SLC36A1: variants seen among roughly 807,000 people sequenced by gnomAD.
The protein encoded by SLC36A1 is solute carrier family 36 member 1.
SLC36A1 carries 30 observed loss-of-function variants against 47.5 expected under a neutral mutation model. The observed-to-expected ratio is 0.63, with a 90% confidence interval of 0.47 to 0.86. The LOEUF is 0.86. SLC36A1 is among the 40% of genes least tolerant of loss of function. The pLI, the probability that SLC36A1 is intolerant of heterozygous loss-of-function variation, is 0.00. For missense variants in SLC36A1, 517 were observed against 606.0 expected (o/e 0.85, Z 1.54); for synonymous variants, 255 against 249.7 (o/e 1.02, Z -0.20).
At chr5:151,374,379 G>A in the SLC36A1 span, among the ~76,000 whole-genome samples, 147 of 152,282 alleles carry the variant, frequency 9.7e-4, no homozygotes, top group Admixed American at 2.9e-3. Flanking sequence ...GTCTGTTGGT[G>A]CGCTCTTGGG....
chr5:151,352,652 G>A, the SLC36A1 span, among the ~76,000 whole-genome samples: 1 of 152,168 alleles, frequency 6.6e-6, no homozygotes, highest in Non-Finnish European at 1.5e-5. Context: ...CTTTGTTGTT[G>A]TTGTTCTTCT....
the SLC36A1 span, among the ~76,000 whole-genome samples, chr5:151,365,148 C>G: frequency 1.3e-5 from 2 of 152,124 alleles, no homozygotes; most frequent in Non-Finnish European, 2.9e-5. Flanking sequence ...AATCAGGGCA[C>G]TGTTTCCAGA....
chr5:151,426,415 G>C, the SLC36A1 span, among the ~76,000 whole-genome samples: 2 of 152,066 alleles, frequency 1.3e-5, no homozygotes, highest in African/African-American at 4.8e-5. Flanking sequence ...ACAGGAAAAC[G>C]TGAGCAAAGG....
At chr5:151,529,608 G>A in the SLC36A1 span, among the ~76,000 whole-genome samples, 1 of 152,032 alleles carries the variant, frequency 6.6e-6, no homozygotes, top group African/African-American at 2.4e-5. Context: ...CAACAGCTAT[G>A]TTTCCCTCAC....
At chr5:151,474,183 A>AAAAAAAAAAAAAAAAAAAATTATCTTC (rs1561770143) in intron 8 of SLC36A1, among the ~76,000 whole-genome samples, 9 of 145,362 alleles carry the variant, frequency 6.2e-5, no homozygotes, top group African/African-American at 2.2e-4. Context: ...AAAAAAAGAA[A>AAAAAAAAAAAAAAAAAAAATTATCTTC]TTATCTTCTG....
At chr5:151,541,440 CTG>C in the SLC36A1 span, among the ~76,000 whole-genome samples, 4 of 152,200 alleles carry the variant, frequency 2.6e-5, no homozygotes, top group Non-Finnish European at 4.4e-5. Context: ...TTCTACAACT[CTG>C]TATTTCAAAC....
the SLC36A1 span, among the ~76,000 whole-genome samples, chr5:151,523,790 G>A: frequency 6.6e-6 from 1 of 152,120 alleles, no homozygotes; most frequent in Non-Finnish European, 1.5e-5. Context: ...CTGCTTGGAT[G>A]TCTCACAAAC....
At chr5:151,429,711 G>A in the SLC36A1 span, among the ~76,000 whole-genome samples, 1 of 152,086 alleles carries the variant, frequency 6.6e-6, no homozygotes, top group South Asian at 2.1e-4. Context: ...GTGTTTCTCT[G>A]TGTCTTAGCC....
intron 8 of SLC36A1, among the ~76,000 whole-genome samples, chr5:151,475,649 T>C (rs10079386): frequency 0.058 from 8,857 of 152,264 alleles, 803 homozygotes; most frequent in African/African-American, 0.2. Context: ...GTGGATTAAC[T>C]GAAGCTGGAG....
chr5:151,497,877 G>T, the SLC36A1 span, among the ~76,000 whole-genome samples: 79 of 152,110 alleles, frequency 5.2e-4, no homozygotes, highest in African/African-American at 1.9e-3. Flanking sequence ...GCCCACCTCA[G>T]CTGCCAGGAA....
Position 151,475,954 on chromosome 5 carries a change from A to G in SLC36A1, c.823-636A>G, listed in dbSNP as rs192086916. 1.9e-3 allele frequency among the ~76,000 whole-genome samples: 282 copies of G among 152,332 alleles called. 1 individual carries two copies. Among genetic ancestry groups the G allele is most frequent in the African/African-American group, 6.5e-3 (269 of 41,578 alleles). The stretch of plus-strand genomic sequence containing the variant: ...TAGGGGCCTTTCCTTTGCTTTTACC[A>G]AAGTTAAAGAATGTCCTCTCTTATG... On this transcript the variant is annotated intron_variant, in intron 8 of 10. Transcript: ENST00000243389.
At chr5:151,446,129 C>T (rs950499356), upstream of SLC36A1, among the ~76,000 whole-genome samples, 9 of 152,144 alleles carry the variant, frequency 5.9e-5, no homozygotes, top group African/African-American at 2.2e-4. Flanking sequence ...TCTCTTAGAA[C>T]TACTTTTGCT....
the SLC36A1 span, chr5:151,531,466 G>A: frequency 1.9e-5 from 25 of 1,318,318 alleles, no homozygotes; most frequent in Non-Finnish European, 2.5e-5. This position sits in a 1 kb window ranked among gnomAD's most constrained non-coding sequence, Gnocchi z 5.7. Flanking sequence ...ATGGAGAAAC[G>A]ACCAGAGGAG....
the SLC36A1 span, among the ~76,000 whole-genome samples, chr5:151,519,254 G>C: frequency 6.6e-6 from 1 of 152,262 alleles, no homozygotes; most frequent in Non-Finnish European, 1.5e-5. Flanking sequence ...TGAGGCAGCA[G>C]ACTTGCTTGA....
At chr5:151,516,863 T>C in the SLC36A1 span, among the ~76,000 whole-genome samples, 5 of 152,104 alleles carry the variant, frequency 3.3e-5, no homozygotes, top group Admixed American at 2.0e-4. Flanking sequence ...CCTAGCACTT[T>C]GGGATGCCGA....
chr5:151,346,143 G>A, the SLC36A1 span, among the ~76,000 whole-genome samples: 2 of 152,142 alleles, frequency 1.3e-5, no homozygotes, highest in African/African-American at 4.8e-5. Context: ...ATCAAACCTT[G>A]TATCAGTTCA....
At chr5:151,346,900 G>GT in the SLC36A1 span, among the ~76,000 whole-genome samples, 1 of 152,178 alleles carries the variant, frequency 6.6e-6, no homozygotes, top group African/African-American at 2.4e-5. Context: ...GGCCACTGTG[G>GT]TTTTAAGCTC....
the SLC36A1 span, among the ~76,000 whole-genome samples, chr5:151,500,602 A>G: frequency 6.6e-6 from 1 of 152,204 alleles, no homozygotes; most frequent in African/African-American, 2.4e-5. Flanking sequence ...TCCTGACCTC[A>G]GGTGATCCAA....
chr5:151,425,808 T>C, the SLC36A1 span, among the ~76,000 whole-genome samples: 1 of 152,206 alleles, frequency 6.6e-6, no homozygotes, highest in Non-Finnish European at 1.5e-5. Context: ...ATAAGTGATA[T>C]TATACATGGT....
Sources: allele counts gnomAD v4.1 joint callset (sites outside exome capture counted in the v4.1 genomes callset), GRCh38; gene constraint gnomAD v4.1.1; non-coding constraint Gnocchi (gnomAD v3.1); transcripts MANE v1.5; gene names NCBI Gene and HGNC (gene_info 2026-07-23, HGNC 2026-07-21).